PAQR9: variants seen among roughly 807,000 people sequenced by gnomAD.
PAQR9 encodes the protein progestin and adipoQ receptor family member 9, also known as membrane progestin receptor epsilon.
A neutral mutation model predicts 24.0 loss-of-function variants in PAQR9; 12 were observed. That is an observed-to-expected ratio of 0.50 (90% CI 0.32 to 0.81). The LOEUF is 0.81. Among genes scored for constraint, PAQR9 ranks in the 30% least tolerant of loss-of-function variants. PAQR9 has a pLI of 0.03. For missense variants in PAQR9, 418 were observed against 520.8 expected, an observed-to-expected ratio of 0.80 and a Z score of 1.92; for synonymous variants, 266 against 237.6, an observed-to-expected ratio of 1.12 and a Z score of -1.10.
chr3:142,954,515 T>C (rs142680116), downstream of PAQR9, among the ~76,000 whole-genome samples: 500 of 152,338 alleles, frequency 3.3e-3, 3 homozygotes, highest in African/African-American at 0.011. Flanking sequence ...TATTTTACTG[T>C]TAATTTAGGA....
downstream of PAQR9, chr3:142,949,731 T>C (rs1418100604): frequency 2.6e-5 from 4 of 152,110 alleles, no homozygotes; most frequent in Admixed American, 6.5e-5. Flanking sequence ...AATTCAAAAG[T>C]CTTGTCTCTA....
upstream of PAQR9, chr3:142,963,841 G>T (rs1052644140): frequency 1.0e-6 from 1 of 985,254 alleles, no homozygotes; most frequent in Non-Finnish European, 1.2e-6. Flanking sequence ...CCCCTGTCTC[G>T]AGTTCCGTAC....
Position 142,963,241 on chromosome 3 carries a change from G to T in PAQR9, c.96C>A (p.Ala32=). The T allele has an allele frequency of 1.9e-6, 3 of 1,543,034 alleles. No individual in the cohort carries two copies. The South Asian group carries it at 3.6e-5, about 18-fold the overall frequency. The change falls in exon 1 of 1, where the codon GCC becomes GCA. Residue 32 remains alanine, a synonymous_variant. Coordinates refer to ENST00000340634, the MANE Select transcript of PAQR9 (RefSeq NM_198504.4). Reference sequence around the variant, plus strand: ...CAGACGCTGGGGGGTCCCGGGAGGCGGCAGAGTGGGAGTTCCGGGCGGCCC... The same window carrying T: ...CAGACGCTGGGGGGTCCCGGGAGGCTGCAGAGTGGGAGTTCCGGGCGGCCC... ...ASGAARNSHS[A]ASRDPPASAK...
chr3:142,952,837 C>T, downstream of PAQR9: 5 of 456,718 alleles, frequency 1.1e-5, no homozygotes, highest in Non-Finnish European at 1.8e-5. Context: ...CGTGATTTGT[C>T]CCCTTGGCAG....
rs766029596 is a variant in PAQR9 at position 142,963,121 on chromosome 3, C to T, written c.216G>A (p.Glu72=). 3.7e-6 allele frequency: 6 copies of T among 1,613,354 alleles called. No homozygotes were observed. Among genetic ancestry groups the T allele is most frequent in the Non-Finnish European group, 1.7e-6 (2 of 1,179,644 alleles). ...TAGGCTTCAGCACCGAGGCTAGGCA[C>T]TCCTGGGCCGTGCACGGCAGACGCC... ...GYRRLPCTAQ[E]CLASVLKPTN... Residue 72 remains glutamate, a synonymous_variant, in exon 1 of 1, where the codon GAG becomes GAA. Transcript: ENST00000340634.
At position 142,958,442 on chromosome 3, in the gene PAQR9, A is replaced by C. The variant is rs1276893857; in HGVS notation, c.*3761T>G. The stretch of plus-strand genomic sequence containing the variant: ...TCCTGTCACCTTGGACCAACTATAA[A>C]GCTTTGAAATGGAGATAACTCCCAC... On this transcript the variant is annotated 3_prime_UTR_variant, in exon 1 of 1. Transcript: ENST00000340634. 9.2e-5 allele frequency among the ~76,000 whole-genome samples: 14 copies of C among 152,186 alleles called. No homozygotes were observed. The highest frequency in any genetic ancestry group is 9.2e-4 in the Admixed American group (14 of 15,282).
downstream of PAQR9, among the ~76,000 whole-genome samples, chr3:142,952,228 G>T (rs1934726644): frequency 6.6e-6 from 1 of 152,150 alleles, no homozygotes; most frequent in African/African-American, 2.4e-5. Context: ...TCTTGAAAAG[G>T]TGGGAAGTGG....
chr3:142,954,499 T>C (rs369819127), downstream of PAQR9, among the ~76,000 whole-genome samples: 9 of 152,354 alleles, frequency 5.9e-5, no homozygotes, highest in East Asian at 1.2e-3. Flanking sequence ...TTATTAGTGT[T>C]ATGAATATTT....
downstream of PAQR9, among the ~76,000 whole-genome samples, chr3:142,952,402 T>C (rs1934728501): frequency 6.6e-6 from 1 of 152,148 alleles, no homozygotes; most frequent in Non-Finnish European, 1.5e-5. Flanking sequence ...ATCACAAATA[T>C]CTAATAGGTA....
rs2108239664 is a variant in PAQR9, at chr3:142,955,893, A to G, written c.*6310T>C. On this transcript the variant is annotated 3_prime_UTR_variant, in exon 1 of 1. Transcript: ENST00000340634. ...TCTTCTTTTTTAAAAAATGATTTGT[A>G]TCCTTCTTTAAACTATACATTATTT... Among the ~76,000 whole-genome samples, 1 of 152,286 alleles carries G rather than the reference A, an allele frequency of 6.6e-6. No individual in the cohort carries two copies. The highest frequency in any genetic ancestry group is 2.1e-4 in the South Asian group (1 of 4,834).
Position 142,959,235 on chromosome 3 carries a change from T to C in PAQR9, c.*2968A>G, listed in dbSNP as rs1376356135. On this transcript the variant is annotated 3_prime_UTR_variant, in exon 1 of 1. Transcript: ENST00000340634. ...GGAAAGTGTGAAAAATATTTTAAAA[T>C]ATATATTGTTCTGATTGCCACATTA... Among the ~76,000 whole-genome samples, 1 of 152,186 alleles carries C rather than the reference T, an allele frequency of 6.6e-6. No homozygotes were observed. Among genetic ancestry groups the C allele is most frequent in the Non-Finnish European group, 1.5e-5 (1 of 68,028 alleles).
In PAQR9 at chr3:142,957,550, C is replaced by T. The variant is rs1038296966; in HGVS notation, c.*4653G>A. On this transcript the variant is annotated 3_prime_UTR_variant, in exon 1 of 1. Coordinates refer to ENST00000340634, the MANE Select transcript of PAQR9 (RefSeq NM_198504.4). ...TAATTTTGGAGATCTAGCCATTTAC[C>T]TTCTTATGTATGTGATTGGTTTGTT... Among the ~76,000 whole-genome samples, 8 of 151,996 alleles carry T rather than the reference C, an allele frequency of 5.3e-5. No homozygotes were observed. The highest frequency in any genetic ancestry group is 1.5e-4 in the African/African-American group (6 of 41,312).
chr3:142,954,871 CAT>C lies in PAQR9; in HGVS notation c.*7330_*7331del, dbSNP rs1161114168. On this transcript the variant is annotated 3_prime_UTR_variant, in exon 1 of 1. Transcript: ENST00000340634. ...AGAATACACTATTGATTTGAAACCA[CAT>C]GTTAGTCCATGCCTGGAAGCTCACG... is the stretch of plus-strand genomic sequence containing the variant. Among the ~76,000 whole-genome samples, 40 of 152,278 alleles carry C rather than the reference CAT, an allele frequency of 2.6e-4. 1 individual carries two copies. Among genetic ancestry groups the C allele is most frequent in the Admixed American group, 1.4e-3 (22 of 15,304 alleles).
chr3:142,955,213 C>A lies in PAQR9; in HGVS notation c.*6990G>T, dbSNP rs1340843436. Among the ~76,000 whole-genome samples, 2 of 151,986 alleles carry A rather than the reference C, an allele frequency of 1.3e-5. No homozygotes were observed. Among genetic ancestry groups the A allele is most frequent in the African/African-American group, 4.8e-5 (2 of 41,374 alleles). The stretch of plus-strand genomic sequence containing the variant: ...TGCAAAAGGGGACCTGCTGGTTGTA[C>A]ATTCTTGCAAATCCAAGAACAGTCA... On this transcript the variant is annotated 3_prime_UTR_variant, in exon 1 of 1. Coordinates refer to ENST00000340634, the MANE Select transcript of PAQR9 (RefSeq NM_198504.4).
chr3:142,961,270 A>G lies in PAQR9; in HGVS notation c.*933T>C, dbSNP rs922358273. On this transcript the variant is annotated 3_prime_UTR_variant, in exon 1 of 1. Transcript: ENST00000340634. ...CAAAAGGCACATTTATTCCAGTGGC[A>G]ATTTAAATAAGTAGAGAAGGAAAAA... The G allele has an allele frequency of 2.6e-5, 4 of 152,652 alleles. No individual in the cohort carries two copies. The highest frequency in any genetic ancestry group is 6.5e-5 in the Admixed American group (1 of 15,280). 9.5% of individuals were successfully genotyped at this position (152,652 alleles called of 1,614,324 possible).
At position 142,963,629 on chromosome 3, in the gene PAQR9, CG is replaced by C. The variant is rs1412441224; in HGVS notation, c.-294del. The C allele has an allele frequency of 4.3e-6, 3 of 698,806 alleles. No individual in the cohort carries two copies. In the Admixed American group the frequency reaches 1.9e-4, roughly 45 times the overall value. The allele number at this position is 698,806 out of a possible 1,614,324, so 43.3% of individuals were successfully genotyped here. A position where few individuals can be genotyped will look rare whatever the true frequency, so the allele number is the denominator to read the frequency against. ...CGCGCGGCCGCCCGCGCTGCGGCAG[CG>C]GCGGCGGCGCGGCTGACTGCGGCGG... On this transcript the variant is annotated 5_prime_UTR_variant, in exon 1 of 1. Coordinates refer to ENST00000340634, the MANE Select transcript of PAQR9 (RefSeq NM_198504.4).
chr3:142,957,645 A>T lies in PAQR9; in HGVS notation c.*4558T>A, dbSNP rs1382879907. Among the ~76,000 whole-genome samples, 2 of 152,110 alleles carry T rather than the reference A, an allele frequency of 1.3e-5. No homozygotes were observed. Among genetic ancestry groups the T allele is most frequent in the Non-Finnish European group, 2.9e-5 (2 of 68,018 alleles). On this transcript the variant is annotated 3_prime_UTR_variant, in exon 1 of 1. Transcript: ENST00000340634. Reference sequence around the variant, plus strand: ...TCAATTTAGGCACTTTGGATGATCCACTCTTCATAATAGTATGAATACTAT... The same window carrying T: ...TCAATTTAGGCACTTTGGATGATCCTCTCTTCATAATAGTATGAATACTAT...
downstream of PAQR9, chr3:142,951,595 G>C (rs1030203489): frequency 2.4e-6 from 1 of 415,760 alleles, no homozygotes; most frequent in African/African-American, 2.1e-5. Context: ...AGTAGGCATT[G>C]GTTGGCTTAC....
At chr3:142,953,948 A>G (rs1934754796), downstream of PAQR9, among the ~76,000 whole-genome samples, 1 of 152,162 alleles carries the variant, frequency 6.6e-6, no homozygotes, top group Admixed American at 6.5e-5. Context: ...AGAGCCCTGG[A>G]GAGGCAGGGG....
Sources: allele counts gnomAD v4.1 joint callset (sites outside exome capture counted in the v4.1 genomes callset), GRCh38; gene constraint gnomAD v4.1.1; transcripts MANE v1.5; gene names NCBI Gene and HGNC (gene_info 2026-07-23, HGNC 2026-07-21).